The following GLRA3 variants were observed in gnomAD, a reference collection of about 807,000 sequenced individuals.
GLRA3 encodes the protein glycine receptor alpha 3, also known as glycine receptor subunit alpha-3.
In GLRA3, 44 loss-of-function variants were observed where a neutral mutation model predicts 60.4. That is an observed-to-expected ratio of 0.73 (90% CI 0.57 to 0.94). The LOEUF (loss-of-function observed/expected upper bound fraction) is 0.94. GLRA3 is among the 40% of genes least tolerant of loss of function. The pLI is 0.00. For missense variants in GLRA3, 508 were observed against 564.6 expected (o/e 0.90, Z 1.02); for synonymous variants, 223 against 192.9 (o/e 1.16, Z -1.29).
chr4:174,812,792 G>C (rs968084583), intron 1 of GLRA3, among the ~76,000 whole-genome samples: 4 of 151,998 alleles, frequency 2.6e-5, no homozygotes, highest in African/African-American at 9.7e-5. Context: ...AATATTCTAG[G>C]TTACCCACTC....
At chr4:174,781,902 G>A (rs1178011516) in intron 2 of GLRA3, among the ~76,000 whole-genome samples, 3 of 152,152 alleles carry the variant, frequency 2.0e-5, no homozygotes, top group Admixed American at 2.0e-4. Flanking sequence ...GGAGGAGCTG[G>A]TACCATTCCT....
At chr4:174,736,562 C>T (rs868264585) in intron 3 of GLRA3, among the ~76,000 whole-genome samples, 1 of 152,130 alleles carries the variant, frequency 6.6e-6, no homozygotes, top group Admixed American at 6.6e-5. Context: ...TAAATAGAAT[C>T]ACACTATACG....
intron 2 of GLRA3, among the ~76,000 whole-genome samples, chr4:174,769,269 C>T (rs1325674744): frequency 2.0e-5 from 3 of 151,824 alleles, no homozygotes; most frequent in Non-Finnish European, 4.4e-5. Context: ...TTTTTTCTGT[C>T]TTCCTGTTAT....
intron 5 of GLRA3, among the ~76,000 whole-genome samples, chr4:174,714,319 C>T (rs1407267919): frequency 1.3e-5 from 2 of 152,090 alleles, no homozygotes; most frequent in East Asian, 3.9e-4. Context: ...CCTCAAATTG[C>T]CCTTCTTCAA....
chr4:174,828,621 T>A, intron 1 of GLRA3, 120 bp downstream of exon 1: 1 of 673,606 alleles, frequency 1.5e-6, no homozygotes, highest in Non-Finnish European at 2.7e-6. Flanking sequence ...ACGATTAAAT[T>A]GATTGTTTCA....
At chr4:174,827,611 T>C (rs1741030133) in intron 1 of GLRA3, among the ~76,000 whole-genome samples, 2 of 151,960 alleles carry the variant, frequency 1.3e-5, no homozygotes, top group Admixed American at 1.3e-4. Flanking sequence ...TTATTGAAAA[T>C]ACTTTGGTTA....
chr4:174,655,845 T>C (rs1733174869), intron 9 of GLRA3, among the ~76,000 whole-genome samples: 1 of 152,082 alleles, frequency 6.6e-6, no homozygotes. Flanking sequence ...ACGTAGCAAG[T>C]ACTTTAAAAT....
intron 6 of GLRA3, among the ~76,000 whole-genome samples, chr4:174,679,733 T>C (rs968879673): frequency 1.3e-5 from 2 of 152,112 alleles, no homozygotes; most frequent in African/African-American, 2.4e-5. Flanking sequence ...TGTAGCAACA[T>C]GGATAGAACT....
At chr4:174,717,131 G>C (rs916436553) in intron 4 of GLRA3, among the ~76,000 whole-genome samples, 1 of 150,258 alleles carries the variant, frequency 6.7e-6, no homozygotes, top group African/African-American at 2.4e-5. Context: ...AGTATGGCTT[G>C]AGCCCAGGAG....
At chr4:174,691,384 C>T (rs566264726) in intron 5 of GLRA3, among the ~76,000 whole-genome samples, 1 of 152,056 alleles carries the variant, frequency 6.6e-6, no homozygotes, top group Non-Finnish European at 1.5e-5. Context: ...CCTCTCCCCT[C>T]TCTCTCCCCA....
intron 3 of GLRA3, among the ~76,000 whole-genome samples, chr4:174,757,900 G>T (rs1334970274): frequency 6.6e-6 from 1 of 152,108 alleles, no homozygotes; most frequent in Non-Finnish European, 1.5e-5. Flanking sequence ...AGATGTTTGG[G>T]TCACGGGGGT....
At chr4:174,710,366 A>C (rs1035853975) in intron 5 of GLRA3, among the ~76,000 whole-genome samples, 1 of 152,166 alleles carries the variant, frequency 6.6e-6, no homozygotes, top group South Asian at 2.1e-4. Flanking sequence ...TTAAGCAGAC[A>C]TCAGCTCTGA....
At chr4:174,779,245 C>T (rs1392019404) in intron 2 of GLRA3, among the ~76,000 whole-genome samples, 12 of 152,140 alleles carry the variant, frequency 7.9e-5, no homozygotes, top group Admixed American at 7.9e-4. Flanking sequence ...AGACCTGCAG[C>T]TGAGGGTCCT....
rs993782053 is a variant in GLRA3 at position 174,812,584 on chromosome 4, T to C, written c.71+16157A>G. Among the ~76,000 whole-genome samples, 12 of 152,064 alleles carry C rather than the reference T, an allele frequency of 7.9e-5. 1 individual carries two copies. In the South Asian group the frequency reaches 1.2e-3, roughly 16 times the overall value. On this transcript the variant is annotated intron_variant, in intron 1 of 9. Transcript: ENST00000274093. ...AAAGCAGAAAAAAAGAGTCTATAAT[T>C]AAAAGTGGTAAGGACAGGTAAATAT...
rs191699407 is a variant in GLRA3, at chr4:174,781,790, C to A, written c.199+7026G>T. On this transcript the variant is annotated intron_variant, in intron 2 of 9. Coordinates refer to ENST00000274093, the MANE Select transcript of GLRA3 (RefSeq NM_006529.4). ...GAAGAAGTTGAATCTCTGAATAGAC[C>A]AATAACATGCTCTGCAATTGTGGCA... 3.1e-3 allele frequency among the ~76,000 whole-genome samples: 468 copies of A among 152,180 alleles called. 5 individuals are homozygous for A. The highest frequency in any genetic ancestry group is 0.01 in the African/African-American group (435 of 41,504).
chr4:174,671,806 C>T (rs1217808329), intron 7 of GLRA3, among the ~76,000 whole-genome samples: 6 of 151,972 alleles, frequency 3.9e-5, no homozygotes, highest in African/African-American at 7.2e-5. Flanking sequence ...CCCGCCACCA[C>T]GCCCAGCTAA....
chr4:174,732,777 C>CTA (rs66878216), intron 3 of GLRA3, among the ~76,000 whole-genome samples: 24,040 of 149,618 alleles, frequency 0.16, 2,080 homozygotes, highest in African/African-American at 0.23. Context: ...CTCTCTCTCT[C>CTA]TATATATATA....
intron 5 of GLRA3, among the ~76,000 whole-genome samples, chr4:174,703,234 A>C (rs539800630): frequency 2.0e-5 from 3 of 152,316 alleles, no homozygotes; most frequent in South Asian, 2.1e-4. Flanking sequence ...TCATACAAAC[A>C]ATGAAGAATC....
chr4:174,757,373 C>A (rs926209656), intron 3 of GLRA3, among the ~76,000 whole-genome samples: 2 of 152,128 alleles, frequency 1.3e-5, no homozygotes, highest in African/African-American at 2.4e-5. Flanking sequence ...GTGATCAGAT[C>A]TGGGTTTCTA....
Sources: gnomAD v4.1 joint callset for allele counts (sites outside exome capture counted in the v4.1 genomes callset) on GRCh38, gnomAD v4.1.1 for gene constraint, MANE v1.5 for transcripts, NCBI Gene and HGNC (gene_info 2026-07-23, HGNC 2026-07-21) for gene names.